Variants in PLAGL1 observed in about 807,000 individuals in gnomAD.
PLAGL1 encodes PLAG1 like zinc finger 1.
PLAGL1 carries 1 observed loss-of-function variant against 4.6 expected under a neutral mutation model. The ratio of observed to expected loss-of-function variants is 0.22; its 90% CI spans 0.08 to 1.03. The LOEUF (loss-of-function observed/expected upper bound fraction) is 1.03, where lower values mean the gene tolerates loss of function less well. PLAGL1 is among the 50% of genes least tolerant of loss of function. The pLI is 0.58. For synonymous variants in PLAGL1, 240 were observed against 237.8 expected, an observed-to-expected ratio of 1.01 and a Z score of -0.08; for missense variants, 464 against 570.4, an observed-to-expected ratio of 0.81 and a Z score of 1.90.
In PLAGL1 at chr6:143,950,398, C is replaced by T. The variant is rs1333958760; in HGVS notation, c.-324-1938G>A. Among the ~76,000 whole-genome samples the T allele has an allele frequency of 6.6e-6, 1 of 152,202 alleles. No homozygotes were observed. Among genetic ancestry groups the T allele is most frequent in the Non-Finnish European group, 1.5e-5 (1 of 68,048 alleles). ...ACAGCCCTGGTCACAAACAAAATAA[C>T]TCCTTCTAGGAATTCTATTCCGCCT... is the stretch of plus-strand genomic sequence containing the variant. On this transcript the variant is annotated intron_variant, in intron 6 of 7. Transcript: ENST00000674357. The surrounding 1 kb of genome is among the most constrained non-coding windows in gnomAD (Gnocchi z 6.3).
rs748188611 is a variant in PLAGL1, at chr6:144,015,534, G to A, written c.-150-46556C>T. On this transcript the variant is annotated intron_variant, in intron 1 of 3. Transcript: ENST00000437412. This position sits in a 1 kb window ranked among gnomAD's most constrained non-coding sequence, Gnocchi z 4.3. ...TTCACAATGCATATATCTGACATAG[G>A]ACTTGCACTAAAATATTTGAAGAAC... 3.7e-4 allele frequency among the ~76,000 whole-genome samples: 57 copies of A among 152,154 alleles called. No homozygotes were observed. The highest frequency in any genetic ancestry group is 4.3e-4 in the Non-Finnish European group (29 of 68,026).
At chr6:144,009,636 G>C (rs1794990129), upstream of PLAGL1, among the ~76,000 whole-genome samples, 1 of 152,098 alleles carries the variant, frequency 6.6e-6, no homozygotes, top group South Asian at 2.1e-4. Context: ...ATCTACATTA[G>C]GCATTTCTCC....
In PLAGL1 at chr6:143,942,257, G is replaced by A; in HGVS notation, c.559C>T (p.Gln187Ter). The A allele has an allele frequency of 1.2e-6, 2 of 1,614,086 alleles. No homozygotes were observed. The highest frequency in any genetic ancestry group is 1.3e-5 in the African/African-American group (1 of 75,036). ...VHTGCKDFLC[Q>*]FCAQRFGRKD... ...CGCCCAAATCTCTGGGCACAGAACT[G>A]GCACAGGAAGTCCTTGCATCCTGTG... The change falls in exon 8 of 8, where the codon CAG becomes TAG. Residue 187 changes from glutamine to a stop codon, truncating the protein, a stop_gained. Coordinates refer to ENST00000674357, the MANE Select transcript of PLAGL1 (RefSeq NM_001317162.2). LOFTEE classifies it low-confidence loss of function (END_TRUNC). The surrounding 1 kb of genome is among the most constrained non-coding windows in gnomAD (Gnocchi z 7.6).
chr6:144,042,248 C>T (rs1459855904), intron 1 of PLAGL1, among the ~76,000 whole-genome samples: 2 of 152,172 alleles, frequency 1.3e-5, no homozygotes, highest in Admixed American at 1.3e-4. Context: ...GAAGTCCTTG[C>T]CCATCCTATG....
chr6:144,023,085 C>A (rs1385277083), intron 1 of PLAGL1, among the ~76,000 whole-genome samples: 1 of 152,074 alleles, frequency 6.6e-6, no homozygotes, highest in East Asian at 1.9e-4. Context: ...TCATGCAACA[C>A]CATGGAAGAA....
In PLAGL1 at chr6:144,000,597, A is replaced by G. The variant is rs947225335; in HGVS notation, c.-584+7493T>C. Among the ~76,000 whole-genome samples the G allele has an allele frequency of 6.6e-6, 1 of 152,180 alleles. No individual in the cohort carries two copies. The highest frequency in any genetic ancestry group is 2.4e-5 in the African/African-American group (1 of 41,470). On this transcript the variant is annotated intron_variant, in intron 1 of 7. Transcript: ENST00000674357. The surrounding 1 kb of genome is among the most constrained non-coding windows in gnomAD (Gnocchi z 4.1). ...CTTCTCATATTGATCTATAAATTCA[A>G]AGCCATTTCTATAAAAATCCCAACA...
intron 1 of PLAGL1, among the ~76,000 whole-genome samples, chr6:144,060,630 C>G (rs530696895): frequency 6.6e-6 from 1 of 152,316 alleles, no homozygotes; most frequent in African/African-American, 2.4e-5. Context: ...TGAACCAACA[C>G]TGGGAAGTAT....
intron 1 of PLAGL1, among the ~76,000 whole-genome samples, chr6:144,018,241 C>G (rs1057124982): frequency 6.6e-6 from 1 of 152,048 alleles, no homozygotes; most frequent in Non-Finnish European, 1.5e-5. Flanking sequence ...CATGCATGAG[C>G]CTGGAGGACA....
At position 143,963,719 on chromosome 6, in the gene PLAGL1, A is replaced by G. The variant is rs1204101983; in HGVS notation, c.-399+1068T>C. On this transcript the variant is annotated intron_variant, in intron 5 of 7. Transcript: ENST00000674357. This position sits in a 1 kb window ranked among gnomAD's most constrained non-coding sequence, Gnocchi z 6.1. The stretch of plus-strand genomic sequence containing the variant: ...TCTGCAGTCTAGATTGTTCTCAGAG[A>G]TTAAGCTTTACAACTTTATTGTCTC... 2.0e-4 allele frequency among the ~76,000 whole-genome samples: 30 copies of G among 152,216 alleles called. No individual in the cohort carries two copies. The highest frequency in any genetic ancestry group is 8.8e-5 in the Non-Finnish European group (6 of 68,026).
chr6:144,020,807 T>C (rs1020338732), intron 1 of PLAGL1, among the ~76,000 whole-genome samples: 5 of 145,870 alleles, frequency 3.4e-5, no homozygotes, highest in African/African-American at 1.2e-4. Flanking sequence ...TATAACTATA[T>C]ATATTTATAT....
chr6:144,031,407 G>T (rs561069202), intron 1 of PLAGL1, among the ~76,000 whole-genome samples: 39 of 152,240 alleles, frequency 2.6e-4, no homozygotes, highest in African/African-American at 7.7e-4. Flanking sequence ...TGGATTCTTG[G>T]TCATGAAGTC....
upstream of PLAGL1, among the ~76,000 whole-genome samples, chr6:144,009,971 A>G (rs778898615): frequency 2.0e-5 from 3 of 152,178 alleles, no homozygotes; most frequent in African/African-American, 4.8e-5. Flanking sequence ...TAGTGCTTCA[A>G]TAAACATACG....
At chr6:144,007,011 C>G (rs1020188538) in intron 1 of PLAGL1, 4 of 152,124 alleles carry the variant, frequency 2.6e-5, no homozygotes, top group African/African-American at 9.7e-5. Flanking sequence ...ACTTCAAATT[C>G]TGAAAAACAT....
At chr6:143,944,715 G>GTA (rs3060702) in intron 7 of PLAGL1, among the ~76,000 whole-genome samples, 60 of 150,732 alleles carry the variant, frequency 4.0e-4, no homozygotes, top group African/African-American at 7.8e-4. Context: ...ATATCCATAT[G>GTA]TATATATATA....
chr6:144,057,776 ATT>A (rs60234022), intron 1 of PLAGL1, among the ~76,000 whole-genome samples: 22,482 of 137,096 alleles, frequency 0.16, 1,883 homozygotes, highest in East Asian at 0.34. Context: ...ACGCCTCACC[ATT>A]TTTTTTTTTT....
At chr6:144,051,152 C>A (rs185861585) in intron 1 of PLAGL1, among the ~76,000 whole-genome samples, 1 of 152,184 alleles carries the variant, frequency 6.6e-6, no homozygotes. Flanking sequence ...ACCTCAATTA[C>A]GTACTTTCTC....
Position 143,942,769 on chromosome 6 carries a change from G to T in PLAGL1, c.153-106C>A. The T allele has an allele frequency of 1.3e-6, 1 of 767,222 alleles. No homozygotes were observed. The highest frequency in any genetic ancestry group is 2.0e-6 in the Non-Finnish European group (1 of 508,990). 47.5% of individuals were successfully genotyped at this position (767,222 alleles called of 1,614,324 possible). On this transcript the variant is annotated intron_variant, in intron 7 of 7. Transcript: ENST00000674357. The surrounding 1 kb of genome is among the most constrained non-coding windows in gnomAD (Gnocchi z 7.6). ...ATGTTAATAGTTTTCTCTGGGTCTT[G>T]GTATAATTTTCAAAATTCTTTCATA... is the stretch of plus-strand genomic sequence containing the variant.
chr6:143,962,192 A>G lies in PLAGL1; in HGVS notation c.-398-1650T>C, dbSNP rs779673923. Reference sequence around the variant, plus strand: ...CAAGGCAGGCCTGGTCTGGGGGGAAAATCATGTGCAGTATATGACGATTTA... The same window carrying G: ...CAAGGCAGGCCTGGTCTGGGGGGAAGATCATGTGCAGTATATGACGATTTA... On this transcript the variant is annotated intron_variant, in intron 5 of 7. Coordinates refer to ENST00000674357, the MANE Select transcript of PLAGL1 (RefSeq NM_001317162.2). This position sits in a 1 kb window ranked among gnomAD's most constrained non-coding sequence, Gnocchi z 5.3. 7.2e-5 allele frequency among the ~76,000 whole-genome samples: 11 copies of G among 152,224 alleles called. No homozygotes were observed. The highest frequency in any genetic ancestry group is 1.5e-4 in the Non-Finnish European group (10 of 68,048).
intron 1 of PLAGL1, among the ~76,000 whole-genome samples, chr6:143,993,279 A>G (rs757539659): frequency 1.6e-4 from 24 of 151,210 alleles, no homozygotes; most frequent in Admixed American, 3.3e-4. Context: ...ACTCCAGCCT[A>G]GGTGACAGAG....
Sources: allele counts gnomAD v4.1 joint callset (sites outside exome capture counted in the v4.1 genomes callset), GRCh38; gene constraint gnomAD v4.1.1; non-coding constraint Gnocchi (gnomAD v3.1); transcripts MANE v1.5; gene names NCBI Gene and HGNC (gene_info 2026-07-23, HGNC 2026-07-21).